The following ATP2B4 variants were observed in gnomAD, a reference collection of about 807,000 sequenced individuals.
ATP2B4 encodes the protein ATPase plasma membrane Ca2+ transporting 4, also known as plasma membrane calcium-transporting ATPase 4.
In ATP2B4, 39 loss-of-function variants were observed where a neutral mutation model predicts 110.3. The ratio of observed to expected loss-of-function variants is 0.35; its 90% CI spans 0.27 to 0.46. The LOEUF (loss-of-function observed/expected upper bound fraction) is 0.46, where lower values mean the gene tolerates loss of function less well. Among genes scored for constraint, ATP2B4 ranks in the 20% least tolerant of loss-of-function variants. The pLI is 1.00. For synonymous variants in ATP2B4, 538 were observed against 571.7 expected, an observed-to-expected ratio of 0.94 and a Z score of 0.84; for missense variants, 1,135 against 1,530.9, an observed-to-expected ratio of 0.74 and a Z score of 4.32.
In ATP2B4 at chr1:203,737,114, C is replaced by T. The variant is rs113576846; in HGVS notation, c.3310-2432C>T. Among the ~76,000 whole-genome samples, 30 of 152,318 alleles carry T rather than the reference C, an allele frequency of 2.0e-4. 1 individual carries two copies. The highest frequency in any genetic ancestry group is 7.0e-4 in the African/African-American group (29 of 41,570). On this transcript the variant is annotated intron_variant, in intron 20 of 20. Transcript: ENST00000357681. ...ATCCCCAATTCACTTTTATCTTCCTCATTGTTTACCTGTAACAGTATTATT... is the reference window on the plus strand; with the variant it reads ...ATCCCCAATTCACTTTTATCTTCCTTATTGTTTACCTGTAACAGTATTATT...
rs1214526316 is a variant in ATP2B4, at chr1:203,724,865, C to CTCTTTTTTTTTTTTTTTTTTTTT, written c.3132+878_3132+879insCTTTTTTTTTTTTTTTTTTTTTT. Among the ~76,000 whole-genome samples, 6 of 101,452 alleles carry CTCTTTTTTTTTTTTTTTTTTTTT rather than the reference C, an allele frequency of 5.9e-5. 2 individuals carry two copies. The highest frequency in any genetic ancestry group is 9.4e-5 in the Non-Finnish European group (5 of 53,390). The allele number at this position is 101,452 out of a possible 152,430, so 66.6% of individuals were successfully genotyped here. On this transcript the variant is annotated intron_variant, in intron 19 of 20. Transcript: ENST00000357681. ...ACTGCCTGGGTTTGAATCCAGCTCTCTGTTTTTTTTTTTTTTTTTTTTTTT... is the reference window on the plus strand; with the variant it reads ...ACTGCCTGGGTTTGAATCCAGCTCTCTCTTTTTTTTTTTTTTTTTTTTTTGTTTTTTTTTTTTTTTTTTTTTTT...
intron 2 of ATP2B4, among the ~76,000 whole-genome samples, chr1:203,693,709 A>G (rs1665450811): frequency 6.6e-6 from 1 of 152,154 alleles, no homozygotes; most frequent in Admixed American, 6.5e-5. Context: ...ATCCACCCCA[A>G]TTGTAGACAG....
intron 14 of ATP2B4, 75 bp downstream of exon 14, chr1:203,713,327 C>A: frequency 6.5e-7 from 1 of 1,536,284 alleles, no homozygotes; most frequent in Non-Finnish European, 9.0e-7. Context: ...GAACCACCAG[C>A]CAAAGCCACT....
chr1:203,683,476 A>C (rs1558032549), intron 2 of ATP2B4, 78 bp downstream of exon 2: 3 of 1,438,508 alleles, frequency 2.1e-6, no homozygotes, highest in East Asian at 4.7e-5. Flanking sequence ...GCTTCTAGAG[A>C]AGGCACATTT....
At chr1:203,638,573 G>A (rs1405322008) in intron 1 of ATP2B4, among the ~76,000 whole-genome samples, 1 of 152,086 alleles carries the variant, frequency 6.6e-6, no homozygotes, top group East Asian at 1.9e-4. Flanking sequence ...CAGAGAACTG[G>A]CACCTCGAGA....
In ATP2B4 at chr1:203,742,648, C is replaced by A. The variant is rs1034876130; in HGVS notation, c.*2794C>A. 6.5e-5 allele frequency: 10 copies of A among 152,678 alleles called. No homozygotes were observed. The highest frequency in any genetic ancestry group is 6.5e-4 in the Admixed American group (10 of 15,294). 9.5% of individuals were successfully genotyped at this position (152,678 alleles called of 1,614,324 possible). On this transcript the variant is annotated 3_prime_UTR_variant, in exon 21 of 21. Coordinates refer to ENST00000357681, the MANE Select transcript of ATP2B4 (RefSeq NM_001684.5). ...TCAGGAAATGAATCTTCCCCCCAAC[C>A]CCCACCATGCAGATGGATAGACAGA...
intron 2 of ATP2B4, among the ~76,000 whole-genome samples, chr1:203,690,224 C>T (rs1665325288): frequency 6.6e-6 from 1 of 152,104 alleles, no homozygotes; most frequent in Non-Finnish European, 1.5e-5. Context: ...GCATGTTTTA[C>T]CAGGAATTGT....
At chr1:203,645,303 G>A (rs992280813) in intron 1 of ATP2B4, among the ~76,000 whole-genome samples, 3 of 152,236 alleles carry the variant, frequency 2.0e-5, no homozygotes, top group Admixed American at 6.5e-5. Flanking sequence ...TCCTGCCTGG[G>A]CCCTAGGCAA....
chr1:203,653,979 ATATATAT>A (rs1384882025), intron 1 of ATP2B4, among the ~76,000 whole-genome samples: 179 of 8,598 alleles, frequency 0.021, no homozygotes, highest in South Asian at 0.13. Context: ...ATATATATAT[ATATATAT>A]TTTTTTTTTT....
At chr1:203,698,126 A>C in intron 2 of ATP2B4, 31 bp from the exon 3 acceptor site, 1 of 1,605,844 alleles carries the variant, frequency 6.2e-7, no homozygotes, top group Non-Finnish European at 8.5e-7. Flanking sequence ...TTTTTCCTAC[A>C]TTCATTCATC....
At chr1:203,694,114 G>T (rs991586029) in intron 2 of ATP2B4, among the ~76,000 whole-genome samples, 1 of 152,182 alleles carries the variant, frequency 6.6e-6, no homozygotes, top group African/African-American at 2.4e-5. Context: ...TGAATGAGAA[G>T]GCATGAATGT....
chr1:203,670,269 TC>T (rs1664623684), intron 1 of ATP2B4, among the ~76,000 whole-genome samples: 1 of 151,926 alleles, frequency 6.6e-6, no homozygotes, highest in African/African-American at 2.4e-5. Flanking sequence ...ACCTCCATCT[TC>T]CCGGTTCAAG....
chr1:203,724,880 T>C lies in ATP2B4; in HGVS notation c.3132+892T>C, dbSNP rs891075286. The stretch of plus-strand genomic sequence containing the variant: ...ATCCAGCTCTCTGTTTTTTTTTTTT[T>C]TTTTTTTTTTTTCTGAGACAGAGTC... On this transcript the variant is annotated intron_variant, in intron 19 of 20. Transcript: ENST00000357681. Among the ~76,000 whole-genome samples, 2 of 143,856 alleles carry C rather than the reference T, an allele frequency of 1.4e-5. 1 individual carries two copies. Among genetic ancestry groups the C allele is most frequent in the East Asian group, 4.1e-4 (2 of 4,874 alleles). 94.4% of individuals were successfully genotyped at this position (143,856 alleles called of 152,430 possible).
chr1:203,743,699 G>C lies in ATP2B4; in HGVS notation c.*3845G>C, dbSNP rs1667036979. On this transcript the variant is annotated 3_prime_UTR_variant, in exon 21 of 21. Coordinates refer to ENST00000357681, the MANE Select transcript of ATP2B4 (RefSeq NM_001684.5). ...TAGTATAACAAGCACTGGTATTTTT[G>C]TACAAAAAAGAAAAACAAAAGATTG... 6.6e-6 allele frequency: 1 copy of C among 152,388 alleles called. No homozygotes were observed. The highest frequency in any genetic ancestry group is 2.4e-5 in the African/African-American group (1 of 41,346). 9.4% of individuals were successfully genotyped at this position (152,388 alleles called of 1,614,324 possible). A position where few individuals can be genotyped will look rare whatever the true frequency, so the allele number is the denominator to read the frequency against.
In ATP2B4 at chr1:203,650,971, A is replaced by G. The variant is rs1229624325; in HGVS notation, c.-465+23752A>G. ...TGCGTTTTTGTAGAGATGGGGTCTC[A>G]CTGTGTTGCCCAGGCTGCTCTCTTA... On this transcript the variant is annotated intron_variant, in intron 1 of 20. Coordinates refer to ENST00000357681, the MANE Select transcript of ATP2B4 (RefSeq NM_001684.5). Among the ~76,000 whole-genome samples the G allele has an allele frequency of 5.3e-5, 8 of 152,092 alleles. No homozygotes were observed. The East Asian group carries it at 1.5e-3, about 29-fold the overall frequency.
intron 1 of ATP2B4, among the ~76,000 whole-genome samples, chr1:203,676,915 G>C (rs1664846265): frequency 6.6e-6 from 1 of 152,204 alleles, no homozygotes; most frequent in Non-Finnish European, 1.5e-5. Context: ...ACAAGAGGTA[G>C]ATATTTCCCT....
chr1:203,668,051 ACTC>A (rs943659554), intron 1 of ATP2B4, among the ~76,000 whole-genome samples: 12 of 151,914 alleles, frequency 7.9e-5, no homozygotes, highest in African/African-American at 2.4e-4. Context: ...GTGTGATGCT[ACTC>A]CTCCTCTGCG....
At position 203,707,053 on chromosome 1, in the gene ATP2B4, T is replaced by C. The variant is rs1164183008; in HGVS notation, c.1144T>C (p.Phe382Leu). Residue 382 changes from phenylalanine (F) to leucine (L), a missense_variant, in exon 9 of 21, where the codon TTT (phenylalanine) becomes CTT (leucine). Physicochemically the swap from Phe to Leu is conservative, Grantham distance 22 (BLOSUM62 0). Transcript: ENST00000357681. ...ALTVFILILY[F>L]VIDNFVINRR... is the part of the protein sequence containing the mutation. ...CACGGTTTTCATCCTGATTCTATAC[T>C]TTGTGATTGACAACTTTGTGATAAA... 1 of 1,614,112 alleles carries C rather than the reference T, an allele frequency of 6.2e-7. No individual in the cohort carries two copies. Among genetic ancestry groups the C allele is most frequent in the Non-Finnish European group, 8.5e-7 (1 of 1,180,000 alleles).
intron 1 of ATP2B4, among the ~76,000 whole-genome samples, chr1:203,652,611 A>G (rs1290421510): frequency 6.6e-6 from 1 of 152,096 alleles, no homozygotes; most frequent in Non-Finnish European, 1.5e-5. Context: ...TTCTATCAGC[A>G]TGTGCTCATT....
Sources: gnomAD v4.1 joint callset for allele counts (sites outside exome capture counted in the v4.1 genomes callset) on GRCh38, gnomAD v4.1.1 for gene constraint, MANE v1.5 for transcripts, NCBI Gene and HGNC (gene_info 2026-07-23, HGNC 2026-07-21) for gene names.